MYH13: variants seen among roughly 807,000 people sequenced by gnomAD.
MYH13 encodes the protein myosin-13.
A neutral mutation model predicts 232.1 loss-of-function variants in MYH13; 177 were observed. The ratio of observed to expected loss-of-function variants is 0.76; its 90% confidence interval spans 0.67 to 0.86. MYH13 has a LOEUF of 0.86. MYH13 is among the 40% of genes least tolerant of loss of function. The probability of loss-of-function intolerance (pLI) is 0.00; values close to 1 mark genes in which losing one functional copy is unlikely to be tolerated. For synonymous variants in MYH13, 884 were observed against 923.5 expected (o/e 0.96, Z 0.78); for missense variants, 2,246 against 2,405.9 (o/e 0.93, Z 1.39).
chr17:10,369,896 TCTC>T, intron 2 of MYH13, among the ~76,000 whole-genome samples: 1 of 152,338 alleles, frequency 6.6e-6, no homozygotes, highest in African/African-American at 2.4e-5. Flanking sequence ...CTCCATTTGT[TCTC>T]CATTTGAACA....
intron 7 of MYH13, among the ~76,000 whole-genome samples, chr17:10,359,445 A>T (rs911563567): frequency 2.0e-5 from 3 of 152,154 alleles, no homozygotes; most frequent in Admixed American, 6.5e-5. Flanking sequence ...TGCCCTAGAC[A>T]TCTTTTCCAC....
At chr17:10,330,790 G>A (rs1189682262) in intron 20 of MYH13, among the ~76,000 whole-genome samples, 1 of 152,104 alleles carries the variant, frequency 6.6e-6, no homozygotes, top group Non-Finnish European at 1.5e-5. Context: ...GGCCGAGGCA[G>A]GTGATCATTT....
chr17:10,338,131 C>T (rs2071590512), intron 18 of MYH13, among the ~76,000 whole-genome samples: 1 of 152,188 alleles, frequency 6.6e-6, no homozygotes, highest in African/African-American at 2.4e-5. Context: ...CCCCCACCAC[C>T]TTGCAGGCCA....
In MYH13 at chr17:10,318,947, G is replaced by A. The variant is rs1291647653; in HGVS notation, c.3581C>T (p.Ala1194Val). The A allele has an allele frequency of 6.2e-7, 1 of 1,614,152 alleles. No homozygotes were observed. Among genetic ancestry groups the A allele is most frequent in the Non-Finnish European group, 8.5e-7 (1 of 1,180,024 alleles). ...EATLQHEATA[A>V]TLRKKQADSV... The stretch of plus-strand genomic sequence containing the variant: ...ATCTGCTTGCTTCTTCCTCAGGGTG[G>A]CTGCTGTGGCTTCGTGCTGCAGGGT... The change falls in exon 27 of 41, where the codon GCC becomes GTC. Residue 1194 changes from alanine (A) to valine (V), a missense_variant. Physicochemically the swap from Ala to Val is moderately conservative, Grantham distance 64. Coordinates refer to ENST00000252172, the MANE Select transcript of MYH13 (RefSeq NM_003802.3).
rs773432205 is a variant in MYH13 at position 10,343,881 on chromosome 17, C to T, written c.1813G>A (p.Glu605Lys). 6.8e-6 allele frequency: 11 copies of T among 1,614,092 alleles called. No homozygotes were observed. Among genetic ancestry groups the T allele is most frequent in the South Asian group, 4.4e-5 (4 of 91,090 alleles). The change falls in exon 16 of 41, where the codon GAG becomes AAG. Residue 605 changes from glutamate to lysine, a missense_variant. Physicochemically the swap from Glu to Lys is moderately conservative, Grantham distance 56. Coordinates refer to ENST00000252172, the MANE Select transcript of MYH13 (RefSeq NM_003802.3). ...WLDKNKDPLN[E>K]TVVGLYQKSS... Reference sequence around the variant, plus strand: ...TTCTGGTACAGCCCCACCACAGTCTCGTTCAGGGGGTCCTTGTTTTTGTCC... The same window carrying T: ...TTCTGGTACAGCCCCACCACAGTCTTGTTCAGGGGGTCCTTGTTTTTGTCC...
At chr17:10,316,457 G>A (rs4791975) in intron 27 of MYH13, among the ~76,000 whole-genome samples, 21,344 of 146,008 alleles carry the variant, frequency 0.15, 1,807 homozygotes, top group Admixed American at 0.25. Context: ...GTGAAACTCC[G>A]TCTCAAAAAA....
At chr17:10,351,908 C>T (rs1358637329) in intron 11 of MYH13, among the ~76,000 whole-genome samples, 1 of 152,102 alleles carries the variant, frequency 6.6e-6, no homozygotes, top group Non-Finnish European at 1.5e-5. Flanking sequence ...ACCCAATAGG[C>T]CAACACCAGC....
intron 23 of MYH13, among the ~76,000 whole-genome samples, chr17:10,323,072 T>C (rs1489375993): frequency 2.6e-5 from 4 of 152,180 alleles, no homozygotes; most frequent in Non-Finnish European, 4.4e-5. Flanking sequence ...GTTTTCCCCG[T>C]GGTGGACCCT....
At chr17:10,310,697 C>T (rs1312814397) in intron 33 of MYH13, among the ~76,000 whole-genome samples, 1 of 152,118 alleles carries the variant, frequency 6.6e-6, no homozygotes, top group African/African-American at 2.4e-5. Flanking sequence ...AACCACCAGC[C>T]ATCCTGACCA....
At position 10,304,841 on chromosome 17, in the gene MYH13, C is replaced by T. The variant is rs1906222333; in HGVS notation, c.5467-1343G>A. ...TTCTTGAAGTCTTGAGGGGAAAGGG[C>T]AGCCACTGAGGACATAAGTCACCAA... On this transcript the variant is annotated intron_variant, in intron 37 of 40. Coordinates refer to ENST00000252172, the MANE Select transcript of MYH13 (RefSeq NM_003802.3). The surrounding 1 kb of genome is among the most constrained non-coding windows in gnomAD (Gnocchi z 5.3). Among the ~76,000 whole-genome samples, 1 of 152,224 alleles carries T rather than the reference C, an allele frequency of 6.6e-6. No individual in the cohort carries two copies. Among genetic ancestry groups the T allele is most frequent in the African/African-American group, 2.4e-5 (1 of 41,458 alleles).
At chr17:10,366,383 T>TTTTTTTTTTTTTG (rs1449629006) in intron 2 of MYH13, among the ~76,000 whole-genome samples, 2 of 143,278 alleles carry the variant, frequency 1.4e-5, no homozygotes, top group African/African-American at 2.6e-5. Context: ...ATAAATCTGT[T>TTTTTTTTTTTTTG]TTTTTTTTTT....
intron 7 of MYH13, 63 bp downstream of exon 7, chr17:10,359,897 C>T: frequency 2.1e-6 from 3 of 1,448,164 alleles, no homozygotes; most frequent in Non-Finnish European, 2.9e-6. Flanking sequence ...ACACTTGGTG[C>T]TCATCCACGC....
intron 18 of MYH13, among the ~76,000 whole-genome samples, chr17:10,337,526 A>T (rs972220913): frequency 6.6e-6 from 1 of 151,964 alleles, no homozygotes; most frequent in African/African-American, 2.4e-5. Flanking sequence ...ATGGATCGTG[A>T]CTCCCAGCCC....
At position 10,318,806 on chromosome 17, in the gene MYH13, G is replaced by T. The variant is rs1597888788; in HGVS notation, c.3722C>A (p.Ala1241Asp). 6.2e-7 allele frequency: 1 copy of T among 1,614,044 alleles called. No individual in the cohort carries two copies. Among genetic ancestry groups the T allele is most frequent in the East Asian group, 2.2e-5 (1 of 44,862 alleles). The change falls in exon 27 of 41, where the codon GCT (alanine) becomes GAT (aspartate). Residue 1241 changes from alanine to aspartate, a missense_variant. Ala to Asp is a moderately radical substitution (Grantham distance 126). Coordinates refer to ENST00000252172, the MANE Select transcript of MYH13 (RefSeq NM_003802.3). ...GTCAGGTACCTTTGACTTGGAGAGAGCCTCGATGTTGCTGGCCATGTCGTC... is the reference window on the plus strand; with the variant it reads ...GTCAGGTACCTTTGACTTGGAGAGATCCTCGATGTTGCTGGCCATGTCGTC... ...EIDDMASNIE[A>D]LSKSKSNIER... is the part of the protein sequence containing the mutation.
rs1157509523 is a variant in MYH13 at position 10,303,396 on chromosome 17, G to T, written c.5569C>A (p.Gln1857Lys). ...GAGGAGGTTTTTGGGACCCCTACCT[G>T]GTAAGTCATCTCCTTGACTTTGCGT... ...YERKVKEMTY[Q>K]AEEDHKNILR... is the part of the protein sequence containing the mutation. The change falls in exon 38 of 41, where the codon CAG (glutamine) becomes AAG (lysine). Residue 1857 changes from glutamine (Q) to lysine (K), a missense_variant and splice_region_variant. By Grantham distance (53) the Gln-to-Lys change is moderately conservative (BLOSUM62 1). Transcript: ENST00000252172. 3.1e-6 allele frequency: 5 copies of T among 1,613,866 alleles called. No homozygotes were observed. The highest frequency in any genetic ancestry group is 4.2e-6 in the Non-Finnish European group (5 of 1,179,794).
chr17:10,363,785 C>T (rs535169252), intron 3 of MYH13, among the ~76,000 whole-genome samples: 13 of 152,320 alleles, frequency 8.5e-5, no homozygotes, highest in Admixed American at 2.6e-4. Context: ...AGCAAGGTCT[C>T]TCTCATATGC....
chr17:10,349,264 A>G (rs2071691478), intron 12 of MYH13, among the ~76,000 whole-genome samples: 1 of 151,968 alleles, frequency 6.6e-6, no homozygotes, highest in African/African-American at 2.4e-5. Flanking sequence ...CATTATGCCC[A>G]GCTAATTTGT....
In MYH13 at chr17:10,319,079, A is replaced by G; in HGVS notation, c.3449T>C (p.Ile1150Thr). The G allele has an allele frequency of 6.2e-7, 1 of 1,613,906 alleles. No homozygotes were observed. The highest frequency in any genetic ancestry group is 8.5e-7 in the Non-Finnish European group (1 of 1,180,004). The change falls in exon 27 of 41, where the codon ATC becomes ACC. Residue 1150 changes from isoleucine to threonine, a missense_variant. Coordinates refer to ENST00000252172, the MANE Select transcript of MYH13 (RefSeq NM_003802.3). Reference protein sequence around the residue: ...RSDLARELEEISERLEEASGA... With the variant: ...RSDLARELEETSERLEEASGA... ...ACTGGCTTCTTCCAGCCTCTCGCTG[A>G]TCTCCTCCAGTTCCCTGGCCAGATC...
chr17:10,360,135 T>C, intron 6 of MYH13, 26 bp downstream of exon 6: 1 of 1,614,096 alleles, frequency 6.2e-7, no homozygotes. Context: ...TTCCAAGTCA[T>C]GATGGTACAA....
Sources: gnomAD v4.1 joint callset for allele counts (sites outside exome capture counted in the v4.1 genomes callset) on GRCh38, gnomAD v4.1.1 for gene constraint, Gnocchi (gnomAD v3.1) non-coding constraint, MANE v1.5 for transcripts, NCBI Gene and HGNC (gene_info 2026-07-23, HGNC 2026-07-21) for gene names.